Variants in TRAPPC9 observed in about 807,000 individuals in gnomAD.
The protein encoded by TRAPPC9 is IKK2 binding protein.
In TRAPPC9, 83 loss-of-function variants were observed where a neutral mutation model predicts 124.0. The observed-to-expected ratio is 0.67, with a 90% confidence interval of 0.56 to 0.80. The LOEUF (loss-of-function observed/expected upper bound fraction) is 0.80. TRAPPC9 is among the 30% of genes least tolerant of loss of function. The pLI is 0.00. For synonymous variants in TRAPPC9, 638 were observed against 617.5 expected (o/e 1.03, Z -0.49); for missense variants, 1,302 against 1,508.3 (o/e 0.86, Z 2.27).
chr8:139,990,951 C>G (rs969647020), intron 18 of TRAPPC9, among the ~76,000 whole-genome samples: 1 of 152,172 alleles, frequency 6.6e-6, no homozygotes, highest in African/African-American at 2.4e-5. Context: ...GAGATGACAG[C>G]TCCCATCAGT....
intron 8 of TRAPPC9, among the ~76,000 whole-genome samples, chr8:140,362,527 A>G (rs2067986178): frequency 6.6e-6 from 1 of 151,858 alleles, no homozygotes; most frequent in Non-Finnish European, 1.5e-5. Context: ...CACACACTTA[A>G]AAAAAAATAA....
intron 21 of TRAPPC9, among the ~76,000 whole-genome samples, chr8:139,798,821 T>C (rs1823274168): frequency 6.6e-6 from 1 of 152,146 alleles, no homozygotes. Flanking sequence ...ACAACAGAAA[T>C]GTATTCTCTT....
intron 9 of TRAPPC9, among the ~76,000 whole-genome samples, chr8:140,322,209 T>C (rs2066614520): frequency 6.6e-6 from 1 of 152,160 alleles, no homozygotes; most frequent in Admixed American, 6.5e-5. Context: ...GGAAAGCTGG[T>C]GACTGGCTGC....
chr8:140,236,086 T>TA, intron 16 of TRAPPC9, among the ~76,000 whole-genome samples: 1 of 135,916 alleles, frequency 7.4e-6, no homozygotes, highest in East Asian at 3.3e-4. Context: ...TTCCTTTTTT[T>TA]TTTTTTTTTT....
chr8:140,357,971 C>G (rs900839811), intron 9 of TRAPPC9, among the ~76,000 whole-genome samples: 1 of 152,222 alleles, frequency 6.6e-6, no homozygotes, highest in African/African-American at 2.4e-5. Context: ...AAGTCCTCAA[C>G]AGAAAACAAC....
intron 19 of TRAPPC9, among the ~76,000 whole-genome samples, chr8:139,978,142 T>C (rs1836612929): frequency 6.6e-6 from 1 of 152,026 alleles, no homozygotes; most frequent in Non-Finnish European, 1.5e-5. Context: ...CCTCCCAAAG[T>C]GCTGGGATGA....
chr8:140,428,705 TC>T (rs2070517418), intron 4 of TRAPPC9, among the ~76,000 whole-genome samples: 2 of 152,184 alleles, frequency 1.3e-5, no homozygotes, highest in African/African-American at 4.8e-5. Context: ...ACCACTCCCT[TC>T]CCTGAAACAG....
At chr8:139,781,236 A>G (rs998107335) in intron 21 of TRAPPC9, among the ~76,000 whole-genome samples, 1 of 152,244 alleles carries the variant, frequency 6.6e-6, no homozygotes, top group Non-Finnish European at 1.5e-5. Context: ...TTTTATTCAT[A>G]ATTGCCAAAA....
At chr8:140,429,871 G>T (rs981470907) in intron 4 of TRAPPC9, among the ~76,000 whole-genome samples, 3 of 151,416 alleles carry the variant, frequency 2.0e-5, no homozygotes, top group African/African-American at 7.3e-5. Context: ...TATCAGCCAG[G>T]TGTGGTGGCT....
At chr8:140,376,427 G>A (rs1363230225) in intron 7 of TRAPPC9, among the ~76,000 whole-genome samples, 1 of 151,834 alleles carries the variant, frequency 6.6e-6, no homozygotes, top group Non-Finnish European at 1.5e-5. Context: ...GTGGTGGCAG[G>A]CACCTGTAGT....
intron 9 of TRAPPC9, among the ~76,000 whole-genome samples, chr8:140,324,472 T>C (rs1281330083): frequency 6.6e-6 from 1 of 152,064 alleles, no homozygotes; most frequent in Non-Finnish European, 1.5e-5. Context: ...CAACCCTTTG[T>C]TAAAATAAAT....
At position 139,813,573 on chromosome 8, in the gene TRAPPC9, G is replaced by A. The variant is rs112705315; in HGVS notation, c.3055+72306C>T. Among the ~76,000 whole-genome samples the A allele has an allele frequency of 7.6e-3, 1,160 of 152,372 alleles. 11 individuals carry two copies. The highest frequency in any genetic ancestry group is 0.025 in the African/African-American group (1,026 of 41,592). On this transcript the variant is annotated intron_variant, in intron 21 of 22. Transcript: ENST00000438773. Reference sequence around the variant, plus strand: ...GAACACCGTTCCCAGCACCTTGGCAGCAGCACCGGGTGGGGAGAGGCAAAC... The same window carrying A: ...GAACACCGTTCCCAGCACCTTGGCAACAGCACCGGGTGGGGAGAGGCAAAC...
intron 17 of TRAPPC9, among the ~76,000 whole-genome samples, chr8:140,026,598 A>C (rs1190635114): frequency 6.6e-6 from 1 of 152,164 alleles, no homozygotes; most frequent in Non-Finnish European, 1.5e-5. Context: ...CATGTTGAGC[A>C]TCTTTTTATG....
At chr8:139,886,094 G>A in intron 20 of TRAPPC9, 125 bp from the exon 21 acceptor site, 3 of 914,342 alleles carry the variant, frequency 3.3e-6, no homozygotes, top group Non-Finnish European at 5.3e-6. Flanking sequence ...CTCTTCTGAA[G>A]GGACTGTCTA....
rs143457022 is a variant in TRAPPC9 at position 139,869,395 on chromosome 8, A to G, written c.3055+16484T>C. Among the ~76,000 whole-genome samples the G allele has an allele frequency of 2.0e-4, 30 of 152,364 alleles. 1 individual carries two copies. The highest frequency in any genetic ancestry group is 7.0e-4 in the African/African-American group (29 of 41,582). On this transcript the variant is annotated intron_variant, in intron 21 of 22. Coordinates refer to ENST00000438773, the MANE Select transcript of TRAPPC9 (RefSeq NM_001160372.4). ...CAGCCAAAGGACAACAGTTATGAGCATCTGTGTGCCACAGGCCATCAGCAT... is the reference window on the plus strand; with the variant it reads ...CAGCCAAAGGACAACAGTTATGAGCGTCTGTGTGCCACAGGCCATCAGCAT...
intron 19 of TRAPPC9, among the ~76,000 whole-genome samples, chr8:139,921,984 G>T (rs1416154178): frequency 6.6e-6 from 1 of 151,978 alleles, no homozygotes; most frequent in Non-Finnish European, 1.5e-5. Context: ...TGCTGTCAGA[G>T]AAGCCCACAT....
intron 19 of TRAPPC9, among the ~76,000 whole-genome samples, chr8:139,972,106 G>A (rs1043419173): frequency 1.3e-5 from 2 of 151,916 alleles, no homozygotes; most frequent in Admixed American, 6.6e-5. Flanking sequence ...GATTACAGGC[G>A]TGAGCCACCA....
intron 17 of TRAPPC9, among the ~76,000 whole-genome samples, chr8:140,212,335 T>G (rs1391402564): frequency 6.6e-6 from 1 of 152,246 alleles, no homozygotes; most frequent in East Asian, 1.9e-4. Flanking sequence ...GCTTTTTCTG[T>G]CTCTTGAGAT....
At chr8:140,230,828 C>T (rs960883984) in intron 16 of TRAPPC9, among the ~76,000 whole-genome samples, 3 of 152,076 alleles carry the variant, frequency 2.0e-5, no homozygotes, top group African/African-American at 7.2e-5. Context: ...AGGACTCAGC[C>T]ACAGGTAAGG....
Sources: gnomAD v4.1 joint callset for allele counts (sites outside exome capture counted in the v4.1 genomes callset) on GRCh38, gnomAD v4.1.1 for gene constraint, MANE v1.5 for transcripts, NCBI Gene and HGNC (gene_info 2026-07-23, HGNC 2026-07-21) for gene names.